Variants in MYO6 observed in about 807,000 individuals in gnomAD.
MYO6 encodes myosin VI, also known as unconventional myosin-VI.
MYO6 carries 74 observed loss-of-function variants against 178.7 expected under a neutral mutation model. The observed-to-expected ratio is 0.41, with a 90% confidence interval of 0.34 to 0.50. MYO6 has a LOEUF of 0.50. MYO6 is among the 20% of genes least tolerant of loss of function. The pLI is 0.09. For synonymous variants in MYO6, 477 were observed against 504.6 expected, an observed-to-expected ratio of 0.95 and a Z score of 0.73; for missense variants, 1,330 against 1,547.4, an observed-to-expected ratio of 0.86 and a Z score of 2.36.
At chr6:75,905,485 G>T (rs1184553709) in intron 30 of MYO6, among the ~76,000 whole-genome samples, 1 of 152,218 alleles carries the variant, frequency 6.6e-6, no homozygotes, top group Admixed American at 6.5e-5. Flanking sequence ...AATTTTCCAG[G>T]TGCCGTCTGT....
chr6:75,768,771 A>G (rs902065243), intron 1 of MYO6, among the ~76,000 whole-genome samples: 1 of 152,196 alleles, frequency 6.6e-6, no homozygotes, highest in Non-Finnish European at 1.5e-5. Context: ...TATGAACTAT[A>G]TATGAACTAT....
intron 1 of MYO6, among the ~76,000 whole-genome samples, chr6:75,784,646 G>A (rs1194257938): frequency 3.3e-5 from 5 of 151,738 alleles, no homozygotes; most frequent in African/African-American, 7.3e-5. Context: ...GTGTGGTGGC[G>A]GGCGCCTGTA....
At chr6:75,851,324 A>G (rs1270254177) in intron 11 of MYO6, among the ~76,000 whole-genome samples, 2 of 152,238 alleles carry the variant, frequency 1.3e-5, no homozygotes, top group Non-Finnish European at 2.9e-5. Context: ...AAGATTGGAA[A>G]GAGACAGGGA....
chr6:75,833,604 AGATTC>A (rs1477479666), intron 6 of MYO6, among the ~76,000 whole-genome samples: 1 of 152,200 alleles, frequency 6.6e-6, no homozygotes, highest in African/African-American at 2.4e-5. Flanking sequence ...ACTCAACTTA[AGATTC>A]ATCCATGTTG....
intron 1 of MYO6, among the ~76,000 whole-genome samples, chr6:75,815,786 C>T (rs1020579456): frequency 6.6e-6 from 1 of 152,166 alleles, no homozygotes; most frequent in African/African-American, 2.4e-5. Context: ...TGAGAGCATC[C>T]ACATGAGGAT....
chr6:75,884,699 A>G (rs1452432474), intron 23 of MYO6, among the ~76,000 whole-genome samples: 1 of 152,154 alleles, frequency 6.6e-6, no homozygotes, highest in Non-Finnish European at 1.5e-5. Flanking sequence ...TGGAGATGAA[A>G]TCATAGGGGG....
intron 33 of MYO6, among the ~76,000 whole-genome samples, chr6:75,912,276 T>G (rs1780812892): frequency 6.6e-6 from 1 of 151,990 alleles, no homozygotes; most frequent in South Asian, 2.1e-4. Context: ...GTAGAATTAG[T>G]TGATTAGTAA....
At chr6:75,895,429 A>G (rs960539214) in intron 29 of MYO6, among the ~76,000 whole-genome samples, 169 bp downstream of exon 29, 4 of 152,080 alleles carry the variant, frequency 2.6e-5, no homozygotes, top group Non-Finnish European at 4.4e-5. Flanking sequence ...ATGGTGCTCA[A>G]TCACAGTAGC....
At chr6:75,839,862 A>G (rs930143759) in intron 7 of MYO6, among the ~76,000 whole-genome samples, 3 of 152,186 alleles carry the variant, frequency 2.0e-5, no homozygotes, top group Middle Eastern at 3.4e-3. Context: ...AGTAAGTCAA[A>G]TAATACATCT....
At chr6:75,853,729 C>T (rs1775488743) in intron 11 of MYO6, among the ~76,000 whole-genome samples, 1 of 152,026 alleles carries the variant, frequency 6.6e-6, no homozygotes, top group Non-Finnish European at 1.5e-5. Context: ...TTCACACATT[C>T]TTTGTAGTTT....
intron 14 of MYO6, among the ~76,000 whole-genome samples, chr6:75,860,341 C>T (rs541820261): frequency 5.9e-5 from 9 of 152,134 alleles, no homozygotes; most frequent in Non-Finnish European, 1.2e-4. Context: ...TCTCTGAAAA[C>T]GTTTATCCAG....
Position 75,754,038 on chromosome 6 carries a change from G to A in MYO6, c.-48+4615G>A, listed in dbSNP as rs190279852. On this transcript the variant is annotated intron_variant, in intron 1 of 34. Coordinates refer to ENST00000369977, the MANE Select transcript of MYO6 (RefSeq NM_004999.4). ...TCTGGCATCTTTAGAAATCTTGCTG[G>A]TGCTAAAGAGAGAGGAAATAATTTT... Among the ~76,000 whole-genome samples the A allele has an allele frequency of 1.5e-3, 231 of 152,240 alleles. 3 individuals are homozygous for A. The highest frequency in any genetic ancestry group is 2.6e-4 in the Non-Finnish European group (18 of 68,022).
intron 30 of MYO6, among the ~76,000 whole-genome samples, chr6:75,898,691 C>T (rs1779500801): frequency 6.6e-6 from 1 of 152,204 alleles, no homozygotes; most frequent in South Asian, 2.1e-4. Context: ...CTGGCCTCCA[C>T]CAACTCAGTC....
At chr6:75,795,304 CAA>C (rs994418353) in intron 1 of MYO6, among the ~76,000 whole-genome samples, 1 of 152,024 alleles carries the variant, frequency 6.6e-6, no homozygotes, top group Admixed American at 6.6e-5. Context: ...TAAAAAAAAC[CAA>C]AAGTTTGCTT....
chr6:75,885,953 T>C (rs2149357052), intron 23 of MYO6, 51 bp from the exon 24 acceptor site: 1 of 1,105,820 alleles, frequency 9.0e-7, no homozygotes, highest in Non-Finnish European at 1.3e-6. Context: ...TAATATATGT[T>C]AGATTTAAAC....
intron 30 of MYO6, among the ~76,000 whole-genome samples, chr6:75,906,372 T>C (rs559115635): frequency 2.6e-5 from 4 of 152,292 alleles, no homozygotes; most frequent in South Asian, 4.1e-4. Context: ...TGATCTCAAA[T>C]TATATGCATA....
At chr6:75,813,530 C>T (rs1770902662) in intron 1 of MYO6, among the ~76,000 whole-genome samples, 1 of 152,176 alleles carries the variant, frequency 6.6e-6, no homozygotes, top group Non-Finnish European at 1.5e-5. Context: ...TTAACCCACT[C>T]TGGCTGAGCT....
chr6:75,758,553 T>G (rs545510674), intron 1 of MYO6, among the ~76,000 whole-genome samples: 11 of 149,904 alleles, frequency 7.3e-5, no homozygotes, highest in Admixed American at 6.6e-4. Flanking sequence ...CTCCGCCTCC[T>G]GGGTTCACGC....
At position 75,840,631 on chromosome 6, in the gene MYO6, C is replaced by T. The variant is rs145665265; in HGVS notation, c.600C>T (p.Asn200=). The T allele has an allele frequency of 1.6e-4, 257 of 1,613,766 alleles. No homozygotes were observed. The highest frequency in any genetic ancestry group is 2.1e-4 in the Non-Finnish European group (248 of 1,179,902). ...TTGGAAATGCGAAGACTGTTCGCAA[C>T]AATAATAGCAGTCGATTTGGGAAAT... ...EAFGNAKTVR[N]NNSSRFGKFV... is the part of the protein sequence containing the mutation. Residue 200 remains asparagine, a synonymous_variant, in exon 8 of 35, where the codon AAC becomes AAT. Transcript: ENST00000369977.
Sources: allele counts gnomAD v4.1 joint callset (sites outside exome capture counted in the v4.1 genomes callset), GRCh38; gene constraint gnomAD v4.1.1; transcripts MANE v1.5; gene names NCBI Gene and HGNC (gene_info 2026-07-23, HGNC 2026-07-21).